The following RGS5 variants were observed in gnomAD, a reference collection of about 807,000 sequenced individuals.
RGS5 encodes the protein regulator of G protein signaling 5.
In RGS5, 20 loss-of-function variants were observed where a neutral mutation model predicts 18.9. That is an observed-to-expected ratio of 1.06 (90% confidence interval 0.74 to 1.54). RGS5 has a LOEUF of 1.54. Among genes scored for constraint, RGS5 ranks in the 40% most tolerant of loss-of-function variants. RGS5 has a pLI of 0.00. For missense variants in RGS5, 201 were observed against 211.8 expected (o/e 0.95, Z 0.32); for synonymous variants, 57 against 76.2 (o/e 0.75, Z 1.31).
intron 1 of RGS5, among the ~76,000 whole-genome samples, chr1:163,174,825 C>G (rs561130194): frequency 2.2e-4 from 34 of 152,270 alleles, no homozygotes; most frequent in Admixed American, 1.2e-3. Flanking sequence ...ACAGGTTTCG[C>G]TGTAGACGCC....
intron 2 of RGS5, among the ~76,000 whole-genome samples, chr1:163,232,009 C>T (rs1020436550): frequency 6.6e-6 from 1 of 151,688 alleles, no homozygotes; most frequent in Non-Finnish European, 1.5e-5. Flanking sequence ...GAGACCTGGA[C>T]TCTAGAGTCA....
At chr1:163,307,532 A>G (rs1649737563) in intron 1 of RGS5, among the ~76,000 whole-genome samples, 1 of 152,152 alleles carries the variant, frequency 6.6e-6, no homozygotes. Context: ...CATGCCGGTT[A>G]AGGATGGGAG....
At chr1:163,273,377 G>GT (rs1648772255) in intron 2 of RGS5, among the ~76,000 whole-genome samples, 1 of 151,910 alleles carries the variant, frequency 6.6e-6, no homozygotes, top group African/African-American at 2.4e-5. Flanking sequence ...TCAATTCTTA[G>GT]TTTTTTTGCT....
chr1:163,145,271 A>C lies in RGS5; in HGVS notation c.*2071T>G, dbSNP rs1657086065. ...TTTAAACATTTGGATATTGCAAATA[A>C]TGTGAATAAAATACTTGAATTTTAA... On this transcript the variant is annotated 3_prime_UTR_variant, in exon 5 of 5. Transcript: ENST00000313961. 1 of 152,224 alleles carries C rather than the reference A, an allele frequency of 6.6e-6. No homozygotes were observed. Among genetic ancestry groups the C allele is most frequent in the Non-Finnish European group, 1.5e-5 (1 of 68,034 alleles). The allele number at this position is 152,224 out of a possible 1,614,324, so 9.4% of individuals were successfully genotyped here.
At chr1:163,171,787 T>C (rs1658311893) in intron 1 of RGS5, among the ~76,000 whole-genome samples, 2 of 152,218 alleles carry the variant, frequency 1.3e-5, no homozygotes, top group African/African-American at 4.8e-5. Context: ...TGTCAGGCAG[T>C]ATGCAGTAAA....
At chr1:163,217,584 C>T (rs1379182638) in exon 1 of RGS5, 1 of 1,546,726 alleles carries the variant, frequency 6.5e-7, no homozygotes. Context: ...TGAAATGTTT[C>T]TTGCGCACAT....
intron 2 of RGS5, among the ~76,000 whole-genome samples, chr1:163,230,303 G>A (rs1298187869): frequency 6.6e-6 from 1 of 152,112 alleles, no homozygotes; most frequent in African/African-American, 2.4e-5. Flanking sequence ...AACATTGAAA[G>A]GAGAGCAGGG....
chr1:163,187,980 G>A (rs1159406858), intron 1 of RGS5, among the ~76,000 whole-genome samples: 1 of 152,038 alleles, frequency 6.6e-6, no homozygotes. Flanking sequence ...AGGACTCTCA[G>A]CTGGTGTCCA....
At chr1:163,286,435 ACAT>A (rs1213294480) in intron 2 of RGS5, among the ~76,000 whole-genome samples, 2 of 136,524 alleles carry the variant, frequency 1.5e-5, no homozygotes, top group Non-Finnish European at 3.3e-5. Flanking sequence ...TAATTTATGC[ACAT>A]AATATACAGT....
At chr1:163,258,987 T>C (rs1406698784) in intron 2 of RGS5, among the ~76,000 whole-genome samples, 2 of 151,562 alleles carry the variant, frequency 1.3e-5, no homozygotes, top group Admixed American at 6.6e-5. Context: ...AAAATGAATA[T>C]TTTAAGACAT....
intron 1 of RGS5, among the ~76,000 whole-genome samples, chr1:163,214,834 G>T (rs1265973981): frequency 6.6e-6 from 1 of 152,120 alleles, no homozygotes; most frequent in East Asian, 1.9e-4. Flanking sequence ...ATGTACTCAT[G>T]ACCTAGAATC....
At chr1:163,246,426 CT>C (rs1486547336) in intron 2 of RGS5, among the ~76,000 whole-genome samples, 1 of 151,618 alleles carries the variant, frequency 6.6e-6, no homozygotes, top group Non-Finnish European at 1.5e-5. Flanking sequence ...AAAAAATTAG[CT>C]GGGCACAGTG....
At chr1:163,204,683 G>A (rs954846611), upstream of RGS5, among the ~76,000 whole-genome samples, 4 of 152,026 alleles carry the variant, frequency 2.6e-5, no homozygotes, top group Admixed American at 2.0e-4. Flanking sequence ...TCCAAGTTCC[G>A]CCATCTATTG....
Position 163,189,406 on chromosome 1 carries a change from A to G in RGS5, c.44+13386T>C, listed in dbSNP as rs115427200. On this transcript the variant is annotated intron_variant, in intron 1 of 4. Transcript: ENST00000313961. ...AGTTATTAAGGCATTAGGTGATTCAATGGAGCAAAATAAACAGAAAAATAA... is the reference window on the plus strand; with the variant it reads ...AGTTATTAAGGCATTAGGTGATTCAGTGGAGCAAAATAAACAGAAAAATAA... 3.2e-3 allele frequency among the ~76,000 whole-genome samples: 488 copies of G among 152,340 alleles called. 5 individuals are homozygous for G. The highest frequency in any genetic ancestry group is 0.011 in the African/African-American group (449 of 41,574).
At chr1:163,202,125 G>A (rs564545894) in intron 1 of RGS5, among the ~76,000 whole-genome samples, 11 of 152,186 alleles carry the variant, frequency 7.2e-5, no homozygotes, top group African/African-American at 2.2e-4. Flanking sequence ...GTGTCCCAAG[G>A]GCTTTTTCTC....
Position 163,214,088 on chromosome 1 carries a change from GT to G in RGS5, c.69+3437del, listed in dbSNP as rs1660167637. Among the ~76,000 whole-genome samples, 4 of 151,994 alleles carry G rather than the reference GT, an allele frequency of 2.6e-5. No homozygotes were observed. In the South Asian group the frequency reaches 8.3e-4, roughly 32 times the overall value. On this transcript the variant is annotated intron_variant, in intron 1 of 5. Coordinates refer to the RGS5 transcript ENST00000367903. The stretch of plus-strand genomic sequence containing the variant: ...TTTATTTCCCTACTTTAGTCCCATG[GT>G]TGGGCTCCATGGGACTAAAGTATGA...
intron 1 of RGS5, among the ~76,000 whole-genome samples, chr1:163,215,368 T>C (rs1660194577): frequency 6.6e-6 from 1 of 152,136 alleles, no homozygotes. Flanking sequence ...TGTCAGTCAC[T>C]TCATCTATAA....
At chr1:163,253,434 A>T (rs1648170412) in intron 2 of RGS5, among the ~76,000 whole-genome samples, 1 of 148,136 alleles carries the variant, frequency 6.8e-6, no homozygotes, top group Non-Finnish European at 1.5e-5. Context: ...TCAGCCTCCC[A>T]TGTAGTTGGG....
chr1:163,258,457 A>C (rs937814983), intron 2 of RGS5, among the ~76,000 whole-genome samples: 2 of 152,210 alleles, frequency 1.3e-5, no homozygotes, highest in African/African-American at 2.4e-5. Context: ...TTGTACACAG[A>C]GGCGGAAACA....
Sources: gnomAD v4.1 joint callset for allele counts (sites outside exome capture counted in the v4.1 genomes callset) on GRCh38, gnomAD v4.1.1 for gene constraint, MANE v1.5 for transcripts, NCBI Gene and HGNC (gene_info 2026-07-23, HGNC 2026-07-21) for gene names.